Variants in DNAAF4 observed in about 807,000 individuals in gnomAD.
DNAAF4 encodes dynein assembly factor 4, axonemal.
Under a neutral mutation model 51.8 loss-of-function variants are expected in DNAAF4, and 43 were observed. The observed-to-expected ratio is 0.83, with a 90% CI of 0.65 to 1.07. The LOEUF (loss-of-function observed/expected upper bound fraction) is 1.07. Ranked by LOEUF, DNAAF4 falls within the 50% of genes least tolerant of loss-of-function variation. The probability of loss-of-function intolerance (pLI) is 0.00; values close to 1 mark genes in which losing one functional copy is unlikely to be tolerated. For missense variants in DNAAF4, 581 were observed against 493.0 expected, an observed-to-expected ratio of 1.18 and a Z score of -1.69; for synonymous variants, 194 against 165.6, an observed-to-expected ratio of 1.17 and a Z score of -1.32.
Position 55,498,332 on chromosome 15 carries a change from C to A in DNAAF4, c.-3G>T, listed in dbSNP as rs3743205. On this transcript the variant is annotated 5_prime_UTR_variant, in exon 2 of 10. Transcript: ENST00000321149. ...TAATCGCTAACCTGAAGAGGCATTCCGGTAGCAACGGGAGCGGATAGCGCG... is the reference window on the plus strand; with the variant it reads ...TAATCGCTAACCTGAAGAGGCATTCAGGTAGCAACGGGAGCGGATAGCGCG... The A allele has an allele frequency of 3.1e-6, 5 of 1,598,970 alleles. No homozygotes were observed. Among genetic ancestry groups the A allele is most frequent in the Admixed American group, 1.7e-5 (1 of 58,278 alleles).
At chr15:55,429,521 GAAAAAAAAA>G (rs771397536), downstream of DNAAF4, among the ~76,000 whole-genome samples, 1 of 89,328 alleles carries the variant, frequency 1.1e-5, no homozygotes, top group African/African-American at 5.3e-5. Context: ...TGTGTCTCAA[GAAAAAAAAA>G]AAAAAAGGCT....
At position 55,435,059 on chromosome 15, in the gene DNAAF4, C is replaced by A; in HGVS notation, c.894-1G>T. The A allele has an allele frequency of 6.3e-7, 1 of 1,577,746 alleles. No homozygotes were observed. Among genetic ancestry groups the A allele is most frequent in the Non-Finnish European group, 8.6e-7 (1 of 1,167,698 alleles). The stretch of plus-strand genomic sequence containing the variant: ...ATAGTTTTCCGTTGCAAACAATTTG[C>A]TAATGAGACAAAAACAGAGAAGAAA... On this transcript the variant is annotated splice_acceptor_variant, in intron 7 of 9. Transcript: ENST00000321149. LOFTEE classifies it high-confidence loss of function.
At chr15:55,432,443 A>G in intron 9 of DNAAF4, 54 bp downstream of exon 9, 8 of 1,397,874 alleles carry the variant, frequency 5.7e-6, no homozygotes, top group Non-Finnish European at 7.9e-6. Context: ...AATTCCAATG[A>G]CATTTTTTTC....
chr15:55,498,911 CAAA>C (rs79964530), intron 1 of DNAAF4, among the ~76,000 whole-genome samples: 1 of 104,682 alleles, frequency 9.6e-6, no homozygotes. Context: ...AACTCCGTCT[CAAA>C]AAAAAAAAAA....
In DNAAF4 at chr15:55,450,340, T is replaced by G; in HGVS notation, c.665A>C (p.Glu222Ala). Residue 222 changes from glutamate (E) to alanine (A), a missense_variant, in exon 6 of 10, where the codon GAG becomes GCG. Transcript: ENST00000321149. ...KGRNSENIFT[E>A]KLKEDSIPAP... ...AGGAATACTGTCTTCCTTTAACTTC[T>G]CAGTAAATATATTTTCTGAATTTCT... is the stretch of plus-strand genomic sequence containing the variant. The G allele has an allele frequency of 6.2e-7, 1 of 1,611,798 alleles. No homozygotes were observed. Among genetic ancestry groups the G allele is most frequent in the Non-Finnish European group, 8.5e-7 (1 of 1,179,522 alleles).
At chr15:55,456,363 T>A (rs535742286) in intron 5 of DNAAF4, among the ~76,000 whole-genome samples, 1 of 152,274 alleles carries the variant, frequency 6.6e-6, no homozygotes, top group African/African-American at 2.4e-5. Context: ...ATTACAGGCG[T>A]GAGCCACTGC....
intron 4 of DNAAF4, among the ~76,000 whole-genome samples, chr15:55,473,159 C>T (rs2058279350): frequency 1.6e-5 from 2 of 124,652 alleles, no homozygotes; most frequent in South Asian, 5.1e-4. Flanking sequence ...GAGTGAGAGG[C>T]CACCTCAAAA....
At chr15:55,456,079 TTTC>T (rs1372675569) in intron 5 of DNAAF4, among the ~76,000 whole-genome samples, 1 of 151,746 alleles carries the variant, frequency 6.6e-6, no homozygotes, top group African/African-American at 2.4e-5. Flanking sequence ...ATACTAAATA[TTTC>T]TTTTTTTTTT....
chr15:55,428,492 T>C (rs955976252), downstream of DNAAF4, among the ~76,000 whole-genome samples: 69 of 117,684 alleles, frequency 5.9e-4, 1 homozygote, highest in South Asian at 1.7e-3. Flanking sequence ...TTCTTTTTTT[T>C]TTTTTTTTTT....
At chr15:55,464,807 T>C (rs1236646163) in intron 5 of DNAAF4, among the ~76,000 whole-genome samples, 1 of 151,994 alleles carries the variant, frequency 6.6e-6, no homozygotes, top group African/African-American at 2.4e-5. Context: ...ATCTCTAAAT[T>C]AGCCAGGCAT....
intron 4 of DNAAF4, among the ~76,000 whole-genome samples, chr15:55,476,082 T>C (rs2058330998): frequency 6.6e-6 from 1 of 152,190 alleles, no homozygotes; most frequent in Admixed American, 6.5e-5. Context: ...AAACTATTCT[T>C]CACAAGTGAA....
At chr15:55,491,403 G>A (rs1327120992) in intron 3 of DNAAF4, 147 bp from the exon 4 acceptor site, 3 of 787,940 alleles carry the variant, frequency 3.8e-6, no homozygotes, top group Non-Finnish European at 5.8e-6. Context: ...ATATTAAACT[G>A]GCCAAGAAGC....
chr15:55,507,272 A>C lies in DNAAF4; in HGVS notation c.-256+850T>G, dbSNP rs369704017. Among the ~76,000 whole-genome samples the C allele has an allele frequency of 1.2e-4, 19 of 152,322 alleles. 1 individual carries two copies. The highest frequency in any genetic ancestry group is 7.2e-4 in the Admixed American group (11 of 15,298). On this transcript the variant is annotated intron_variant, in intron 1 of 9. Coordinates refer to ENST00000321149, the MANE Select transcript of DNAAF4 (RefSeq NM_130810.4). Reference sequence around the variant, plus strand: ...GTTACCTCCTGATAAACCCATCATAAGTTGAAAATATCCTATGTCAAAAAT... The same window carrying C: ...GTTACCTCCTGATAAACCCATCATACGTTGAAAATATCCTATGTCAAAAAT...
chr15:55,463,624 G>T (rs976582842), intron 5 of DNAAF4, among the ~76,000 whole-genome samples: 1 of 152,032 alleles, frequency 6.6e-6, no homozygotes, highest in Non-Finnish European at 1.5e-5. Context: ...CAAATCAGTA[G>T]CACTACTATA....
At chr15:55,436,158 C>G (rs984450124) in intron 7 of DNAAF4, among the ~76,000 whole-genome samples, 4 of 152,202 alleles carry the variant, frequency 2.6e-5, no homozygotes, top group Non-Finnish European at 5.9e-5. Context: ...CCTCTACCAA[C>G]AGTGCACAGG....
chr15:55,466,524 C>G (rs1402834809), intron 5 of DNAAF4, among the ~76,000 whole-genome samples: 2 of 152,198 alleles, frequency 1.3e-5, no homozygotes, highest in African/African-American at 4.8e-5. Context: ...TTATAGTACT[C>G]ATTTTCCTAA....
chr15:55,429,188 C>T (rs1027246367), downstream of DNAAF4, among the ~76,000 whole-genome samples: 2 of 151,528 alleles, frequency 1.3e-5, no homozygotes, highest in Non-Finnish European at 2.9e-5. Context: ...CACCACTGCA[C>T]TAAAGCCTGG....
At chr15:55,506,256 A>G (rs969501540) in intron 1 of DNAAF4, among the ~76,000 whole-genome samples, 1 of 152,226 alleles carries the variant, frequency 6.6e-6, no homozygotes, top group African/African-American at 2.4e-5. Flanking sequence ...TAAAATGGGC[A>G]AATTGGCATA....
At chr15:55,497,965 A>G in intron 2 of DNAAF4, 106 bp from the exon 3 acceptor site, 1 of 1,441,774 alleles carries the variant, frequency 6.9e-7, no homozygotes, top group Non-Finnish European at 9.3e-7. Context: ...GGCCCACTAA[A>G]TTTATGCCAG....
Sources: allele counts gnomAD v4.1 joint callset (sites outside exome capture counted in the v4.1 genomes callset), GRCh38; gene constraint gnomAD v4.1.1; transcripts MANE v1.5; gene names NCBI Gene and HGNC (gene_info 2026-07-23, HGNC 2026-07-21).